CACNA1C: variants seen among roughly 807,000 people sequenced by gnomAD.
CACNA1C encodes the protein calcium voltage-gated channel subunit alpha1 C.
A neutral mutation model predicts 229.0 loss-of-function variants in CACNA1C; 30 were observed. The observed-to-expected ratio is 0.13, with a 90% CI of 0.10 to 0.18. CACNA1C has a LOEUF of 0.18. Among genes scored for constraint, CACNA1C ranks in the 10% least tolerant of loss-of-function variants. The probability of loss-of-function intolerance (pLI) is 1.00; values close to 1 mark genes in which losing one functional copy is unlikely to be tolerated. For synonymous variants in CACNA1C, 1,114 were observed against 1,132.5 expected (o/e 0.98, Z 0.33); for missense variants, 1,658 against 2,845.0 (o/e 0.58, Z 9.49).
At chr12:2,279,815 C>G (rs1335779043) in intron 3 of CACNA1C, among the ~76,000 whole-genome samples, 3 of 152,172 alleles carry the variant, frequency 2.0e-5, no homozygotes, top group Non-Finnish European at 2.9e-5. Context: ...TATAAGTAAT[C>G]TAGAGATGAT....
intron 7 of CACNA1C, among the ~76,000 whole-genome samples, chr12:2,494,078 T>C (rs1272921928): frequency 6.6e-6 from 1 of 152,086 alleles, no homozygotes; most frequent in African/African-American, 2.4e-5. Context: ...GTTTGCTGCA[T>C]AGGTATACAT....
intron 9 of CACNA1C, among the ~76,000 whole-genome samples, chr12:2,531,656 T>C (rs2099841310): frequency 6.6e-6 from 1 of 152,148 alleles, no homozygotes; most frequent in African/African-American, 2.4e-5. Flanking sequence ...AAGTGTCCAC[T>C]GCATAAGGAC....
chr12:2,621,536 G>C (rs2083246729), intron 29 of CACNA1C, among the ~76,000 whole-genome samples: 1 of 152,190 alleles, frequency 6.6e-6, no homozygotes, highest in Non-Finnish European at 1.5e-5. Context: ...CATTCAGTGG[G>C]GAGGATTATA....
intron 43 of CACNA1C, among the ~76,000 whole-genome samples, chr12:2,684,187 TC>T (rs1464845463): frequency 6.6e-6 from 1 of 152,128 alleles, no homozygotes; most frequent in African/African-American, 2.4e-5. Context: ...CAGAAGCACC[TC>T]CTTTTCCCCA....
At chr12:2,685,608 C>A in intron 43 of CACNA1C, 128 bp from the exon 44 acceptor site, 1 of 696,466 alleles carries the variant, frequency 1.4e-6, no homozygotes, top group East Asian at 2.7e-5. Flanking sequence ...CCCAAACCTG[C>A]ATGTAAGCAC....
rs550689714 is a variant in CACNA1C, at chr12:2,518,441, T to C, written c.1390+5457T>C. Reference sequence around the variant, plus strand: ...GGCTAACACAGTGAAACCCCGTCTCTACTAAAAATACAAAAAATTAGCCAG... The same window carrying C: ...GGCTAACACAGTGAAACCCCGTCTCCACTAAAAATACAAAAAATTAGCCAG... On this transcript the variant is annotated intron_variant, in intron 9 of 46. Transcript: ENST00000399655. Among the ~76,000 whole-genome samples, 97 of 152,200 alleles carry C rather than the reference T, an allele frequency of 6.4e-4. No homozygotes were observed. The Middle Eastern group carries it at 0.024, about 37-fold the overall frequency.
intron 18 of CACNA1C, among the ~76,000 whole-genome samples, chr12:2,588,339 TG>T (rs1347819305): frequency 6.6e-6 from 1 of 152,240 alleles, no homozygotes; most frequent in Non-Finnish European, 1.5e-5. Context: ...GTGTCCCTCC[TG>T]CTCTGCCTTC....
chr12:2,394,627 T>G (rs2098540916), intron 3 of CACNA1C, among the ~76,000 whole-genome samples: 1 of 152,094 alleles, frequency 6.6e-6, no homozygotes, highest in Non-Finnish European at 1.5e-5. Flanking sequence ...TCTGGGCCCA[T>G]CCAAAGGGGT....
At chr12:2,106,150 G>A (rs12811164) in intron 1 of CACNA1C, among the ~76,000 whole-genome samples, 5,278 of 47,930 alleles carry the variant, frequency 0.11, 1,365 homozygotes, top group Middle Eastern at 0.2. Context: ...GCGTCCTGAA[G>A]CCACTGGGCG....
chr12:2,195,689 G>T (rs1279827490), intron 3 of CACNA1C, among the ~76,000 whole-genome samples: 2 of 152,130 alleles, frequency 1.3e-5, no homozygotes, highest in Admixed American at 1.3e-4. Flanking sequence ...AATAATTTTA[G>T]AACTGATTTT....
chr12:2,501,038 C>A (rs1324821389), intron 7 of CACNA1C, among the ~76,000 whole-genome samples: 1 of 147,240 alleles, frequency 6.8e-6, no homozygotes, highest in Non-Finnish European at 1.5e-5. Context: ...AACCCCGTCT[C>A]TACTTTAAAA....
intron 29 of CACNA1C, among the ~76,000 whole-genome samples, chr12:2,617,863 C>T (rs915514501): frequency 2.6e-5 from 4 of 152,210 alleles, no homozygotes; most frequent in African/African-American, 9.7e-5. Context: ...TCACTTGCTT[C>T]CATAGAGAAA....
At chr12:2,298,734 T>C (rs1183333639) in intron 3 of CACNA1C, among the ~76,000 whole-genome samples, 2 of 152,226 alleles carry the variant, frequency 1.3e-5, no homozygotes, top group African/African-American at 4.8e-5. Context: ...GGCCGCAGAA[T>C]TGGCTTCTTG....
chr12:2,483,436 A>G (rs932373492), intron 5 of CACNA1C, among the ~76,000 whole-genome samples: 1 of 152,204 alleles, frequency 6.6e-6, no homozygotes, highest in African/African-American at 2.4e-5. Context: ...GACAGAGAGG[A>G]GGAAAACGAG....
chr12:1,990,822 T>A (rs908429708), intron 1 of CACNA1C, among the ~76,000 whole-genome samples: 1 of 152,156 alleles, frequency 6.6e-6, no homozygotes, highest in Non-Finnish European at 1.5e-5. Flanking sequence ...ATATAACATA[T>A]TTGAATTCTA....
intron 11 of CACNA1C, among the ~76,000 whole-genome samples, chr12:2,562,677 C>T (rs556128411): frequency 6.6e-6 from 1 of 152,290 alleles, no homozygotes; most frequent in Admixed American, 6.5e-5. Context: ...GGATCCAGGG[C>T]AGTATGTCTG....
chr12:2,392,209 CATAAG>C (rs1295933859), intron 3 of CACNA1C, among the ~76,000 whole-genome samples: 1 of 152,206 alleles, frequency 6.6e-6, no homozygotes, highest in African/African-American at 2.4e-5. Context: ...TGTTGTTAAA[CATAAG>C]AGAGAGAAAT....
chr12:2,416,651 A>G (rs1349073257), intron 3 of CACNA1C, among the ~76,000 whole-genome samples: 3 of 152,252 alleles, frequency 2.0e-5, no homozygotes, highest in Non-Finnish European at 4.4e-5. Flanking sequence ...TGTACAAGGC[A>G]GAAGTCCTGT....
intron 3 of CACNA1C, among the ~76,000 whole-genome samples, chr12:2,317,527 A>C (rs2095755179): frequency 6.6e-6 from 1 of 152,190 alleles, no homozygotes; most frequent in Non-Finnish European, 1.5e-5. Context: ...GAAGGAGTAC[A>C]GAGTTTCAGT....
Sources: allele counts gnomAD v4.1 joint callset (sites outside exome capture counted in the v4.1 genomes callset), GRCh38; gene constraint gnomAD v4.1.1; transcripts MANE v1.5; gene names NCBI Gene and HGNC (gene_info 2026-07-23, HGNC 2026-07-21).